Variants in TMEM177 observed in about 807,000 individuals in gnomAD.
TMEM177 encodes the protein transmembrane protein 177.
TMEM177 carries 4 observed loss-of-function variants against 14.2 expected under a neutral mutation model. The observed-to-expected ratio is 0.28, with a 90% CI of 0.14 to 0.64. TMEM177 has a LOEUF of 0.64. Ranked by LOEUF, TMEM177 falls within the 30% of genes least tolerant of loss-of-function variation. The pLI is 0.82. For synonymous variants in TMEM177, 179 were observed against 174.5 expected (o/e 1.03, Z -0.20); for missense variants, 344 against 405.2 (o/e 0.85, Z 1.30).
At chr2:119,692,689 T>G in the TMEM177 span, among the ~76,000 whole-genome samples, 10 of 152,180 alleles carry the variant, frequency 6.6e-5, no homozygotes, top group Non-Finnish European at 1.2e-4. Context: ...GAAAGGCAGG[T>G]AGGCTGGGTG....
chr2:119,709,073 G>A, the TMEM177 span, among the ~76,000 whole-genome samples: 1 of 152,208 alleles, frequency 6.6e-6, no homozygotes, highest in Non-Finnish European at 1.5e-5. Context: ...GGGAAGCTAA[G>A]TAATTTGTCT....
At chr2:119,716,384 C>T in the TMEM177 span, among the ~76,000 whole-genome samples, 1 of 152,234 alleles carries the variant, frequency 6.6e-6, no homozygotes, top group Non-Finnish European at 1.5e-5. Flanking sequence ...AAGATTATTT[C>T]ATTGCCTTCA....
At chr2:119,691,558 G>A in the TMEM177 span, among the ~76,000 whole-genome samples, 2 of 152,122 alleles carry the variant, frequency 1.3e-5, no homozygotes, top group African/African-American at 4.8e-5. Flanking sequence ...TGTTGCTGAC[G>A]CCCCTGCCAG....
chr2:119,696,842 G>C, the TMEM177 span, among the ~76,000 whole-genome samples: 1 of 152,164 alleles, frequency 6.6e-6, no homozygotes, highest in African/African-American at 2.4e-5. Flanking sequence ...AGGGAGAAGT[G>C]GAAATGACGT....
the TMEM177 span, among the ~76,000 whole-genome samples, chr2:119,720,828 C>T: frequency 6.6e-6 from 1 of 152,084 alleles, no homozygotes; most frequent in South Asian, 2.1e-4. Flanking sequence ...AATGTAAGAT[C>T]AATTATCTAC....
chr2:119,699,449 G>A, the TMEM177 span, among the ~76,000 whole-genome samples: 3 of 152,148 alleles, frequency 2.0e-5, no homozygotes, highest in African/African-American at 4.8e-5. Context: ...CCACAGCTAC[G>A]AAAATTCAGG....
downstream of TMEM177, chr2:119,685,853 C>T (rs1689005134): frequency 2.3e-5 from 14 of 608,362 alleles, no homozygotes; most frequent in South Asian, 2.7e-4. Flanking sequence ...TTTCCTCATG[C>T]TGGGTTAGAA....
chr2:119,704,012 A>G, the TMEM177 span, among the ~76,000 whole-genome samples: 1 of 152,248 alleles, frequency 6.6e-6, no homozygotes, highest in Non-Finnish European at 1.5e-5. Context: ...GCACATGGTA[A>G]GTGAAAAGAG....
the TMEM177 span, among the ~76,000 whole-genome samples, chr2:119,717,871 C>T: frequency 7.2e-5 from 11 of 152,108 alleles, no homozygotes; most frequent in Non-Finnish European, 1.3e-4. Context: ...CCACCTGTCT[C>T]GGCCTCCCAA....
At chr2:119,685,908 C>T (rs1423719206), downstream of TMEM177, 3 of 573,092 alleles carry the variant, frequency 5.2e-6, no homozygotes, top group Non-Finnish European at 9.3e-6. Context: ...AAAATAGTCA[C>T]TGAGCAGAAC....
At chr2:119,695,408 C>T in the TMEM177 span, among the ~76,000 whole-genome samples, 4 of 152,372 alleles carry the variant, frequency 2.6e-5, no homozygotes, top group African/African-American at 9.6e-5. Flanking sequence ...ATTTTGTCTG[C>T]TTCCTTGTCT....
the TMEM177 span, among the ~76,000 whole-genome samples, chr2:119,701,661 A>T: frequency 2.0e-5 from 3 of 152,250 alleles, no homozygotes; most frequent in Non-Finnish European, 4.4e-5. Flanking sequence ...GAGCCGGTTT[A>T]TCAAGACAGG....
chr2:119,681,469 T>G lies in TMEM177; in HGVS notation c.616T>G (p.Leu206Val), dbSNP rs1446122629. Residue 206 changes from leucine (L) to valine (V), a missense_variant, in exon 2 of 2, where the codon TTG becomes GTG. Coordinates refer to ENST00000272521, the MANE Select transcript of TMEM177 (RefSeq NM_030577.3). ...GPMNLRAAFS[L>V]VAAVAGFVAY... Reference sequence around the variant, plus strand: ...CATGAATTTACGGGCTGCCTTCAGCTTGGTGGCAGCAGTGGCAGGCTTTGT... The same window carrying G: ...CATGAATTTACGGGCTGCCTTCAGCGTGGTGGCAGCAGTGGCAGGCTTTGT... 1 of 1,613,584 alleles carries G rather than the reference T, an allele frequency of 6.2e-7. No homozygotes were observed. Among genetic ancestry groups the G allele is most frequent in the South Asian group, 1.1e-5 (1 of 91,092 alleles).
the TMEM177 span, among the ~76,000 whole-genome samples, chr2:119,716,823 A>G: frequency 1.3e-5 from 2 of 152,216 alleles, no homozygotes; most frequent in Admixed American, 1.3e-4. Context: ...CTCAATGGGT[A>G]TGATTCCTAT....
At chr2:119,699,642 C>T in the TMEM177 span, 4 of 167,942 alleles carry the variant, frequency 2.4e-5, no homozygotes, top group Non-Finnish European at 5.1e-5. Context: ...GGGTGCAAGC[C>T]GGTTGGAGTT....
At chr2:119,701,702 C>G in the TMEM177 span, among the ~76,000 whole-genome samples, 26 of 152,358 alleles carry the variant, frequency 1.7e-4, no homozygotes, top group East Asian at 4.8e-3. Context: ...GGAATTCACG[C>G]AGAGCCAGCT....
chr2:119,682,502 A>AG (rs1688931705), downstream of TMEM177, among the ~76,000 whole-genome samples: 1 of 152,112 alleles, frequency 6.6e-6, no homozygotes, highest in Non-Finnish European at 1.5e-5. Flanking sequence ...TTTTAAGGTG[A>AG]GGGGGCCTTA....
the TMEM177 span, among the ~76,000 whole-genome samples, chr2:119,714,780 G>T: frequency 1.3e-5 from 2 of 152,246 alleles, no homozygotes; most frequent in Non-Finnish European, 2.9e-5. Flanking sequence ...AATGGCCAGG[G>T]GGCAGCCTGG....
At chr2:119,709,804 G>A in the TMEM177 span, among the ~76,000 whole-genome samples, 673 of 152,250 alleles carry the variant, frequency 4.4e-3, 3 homozygotes, top group Middle Eastern at 0.01. Flanking sequence ...CAGTCTGGGC[G>A]ACTGAGCAAG....
Sources: gnomAD v4.1 joint callset for allele counts (sites outside exome capture counted in the v4.1 genomes callset) on GRCh38, gnomAD v4.1.1 for gene constraint, MANE v1.5 for transcripts, NCBI Gene and HGNC (gene_info 2026-07-23, HGNC 2026-07-21) for gene names.